Variants in HLCS observed in about 807,000 individuals in gnomAD.
HLCS encodes holocarboxylase synthetase.
HLCS carries 53 observed loss-of-function variants against 75.0 expected under a neutral mutation model. The observed-to-expected ratio is 0.71, with a 90% CI of 0.57 to 0.89. HLCS has a LOEUF of 0.89. HLCS is among the 40% of genes least tolerant of loss of function. The pLI is 0.00. For synonymous variants in HLCS, 431 were observed against 428.6 expected (o/e 1.01, Z -0.07); for missense variants, 966 against 1,074.0 (o/e 0.90, Z 1.41).
At chr21:36,878,953 C>T (rs4817823) in intron 6 of HLCS, among the ~76,000 whole-genome samples, 2 of 151,332 alleles carry the variant, frequency 1.3e-5, no homozygotes, top group South Asian at 4.2e-4. Flanking sequence ...ACTCTCTAAG[C>T]TATAGCTTCC....
intron 6 of HLCS, among the ~76,000 whole-genome samples, chr21:36,893,263 G>A (rs1049779280): frequency 7.9e-5 from 12 of 151,924 alleles, no homozygotes; most frequent in African/African-American, 2.9e-4. Flanking sequence ...GTAGAGACAG[G>A]GTTTCACTAT....
chr21:36,966,721 G>GCCC (rs2068615101), upstream of HLCS: 1 of 662,538 alleles, frequency 1.5e-6, no homozygotes, highest in Admixed American at 6.6e-5. Context: ...CGGAAGGGCC[G>GCCC]CGCCGCCCCC....
chr21:36,780,275 C>T (rs747750639), intron 6 of HLCS, among the ~76,000 whole-genome samples: 4 of 152,136 alleles, frequency 2.6e-5, no homozygotes, highest in African/African-American at 4.8e-5. Context: ...CGGAGTCTCA[C>T]TCTGTTGCCC....
intron 6 of HLCS, among the ~76,000 whole-genome samples, chr21:36,877,808 A>G (rs1006843939): frequency 6.6e-6 from 1 of 152,114 alleles, no homozygotes; most frequent in African/African-American, 2.4e-5. Context: ...TTACCTGGAC[A>G]TGTATTTTGC....
In HLCS at chr21:36,877,969, C is replaced by G. The variant is rs116755879; in HGVS notation, c.1892+18891G>C. Among the ~76,000 whole-genome samples the G allele has an allele frequency of 2.9e-3, 445 of 152,136 alleles. 2 individuals carry two copies. The highest frequency in any genetic ancestry group is 9.9e-3 in the African/African-American group (412 of 41,536). ...ACATTCAAATCATTGTTCCTCACTGCATGAAATGCTGTTTTCCTCAGATTA... is the reference window on the plus strand; with the variant it reads ...ACATTCAAATCATTGTTCCTCACTGGATGAAATGCTGTTTTCCTCAGATTA... On this transcript the variant is annotated intron_variant, in intron 6 of 10. Transcript: ENST00000674895.
Position 36,916,364 on chromosome 21 carries a change from T to C in HLCS, c.1620+13887A>G, listed in dbSNP as rs114608505. Reference sequence around the variant, plus strand: ...TTTTATGTTCTGTAATTTAAGACTTTTCTTTTAAGAGATAGGGTCTTGCTT... The same window carrying C: ...TTTTATGTTCTGTAATTTAAGACTTCTCTTTTAAGAGATAGGGTCTTGCTT... On this transcript the variant is annotated intron_variant, in intron 5 of 10. Transcript: ENST00000674895. 6.9e-3 allele frequency among the ~76,000 whole-genome samples: 1,053 copies of C among 152,196 alleles called. 14 individuals are homozygous for C. The highest frequency in any genetic ancestry group is 0.025 in the African/African-American group (1,026 of 41,512).
chr21:36,878,860 C>T (rs749587679), intron 6 of HLCS, among the ~76,000 whole-genome samples: 54 of 152,270 alleles, frequency 3.5e-4, no homozygotes, highest in Non-Finnish European at 6.5e-4. Flanking sequence ...TACAAACTAA[C>T]AATTAGGGCT....
At chr21:36,870,392 T>A (rs1249941832) in intron 6 of HLCS, among the ~76,000 whole-genome samples, 2 of 152,216 alleles carry the variant, frequency 1.3e-5, no homozygotes. Context: ...TAGCTATTAA[T>A]TCCTTATTTT....
At chr21:36,861,703 T>C (rs147196889) in intron 6 of HLCS, among the ~76,000 whole-genome samples, 124 of 152,326 alleles carry the variant, frequency 8.1e-4, no homozygotes, top group Non-Finnish European at 1.3e-3. Context: ...AGTACCTCCC[T>C]CTTACATCAC....
intron 6 of HLCS, among the ~76,000 whole-genome samples, chr21:36,895,512 C>T (rs60319560): frequency 0.13 from 19,662 of 152,002 alleles, 2,563 homozygotes; most frequent in African/African-American, 0.33. Context: ...CTAATGAACA[C>T]GGCTCACAGC....
At chr21:36,892,501 CA>C (rs2064833220) in intron 6 of HLCS, among the ~76,000 whole-genome samples, 2 of 152,200 alleles carry the variant, frequency 1.3e-5, no homozygotes, top group Admixed American at 1.3e-4. Context: ...TCAACAGGTA[CA>C]TCCGGCCCTA....
intron 6 of HLCS, among the ~76,000 whole-genome samples, chr21:36,859,170 G>A (rs949893560): frequency 6.6e-6 from 1 of 152,124 alleles, no homozygotes; most frequent in African/African-American, 2.4e-5. Context: ...TTACAGGCGT[G>A]TGCCACCAAG....
At chr21:36,851,383 T>C (rs150604362) in intron 6 of HLCS, among the ~76,000 whole-genome samples, 1 of 152,210 alleles carries the variant, frequency 6.6e-6, no homozygotes, top group African/African-American at 2.4e-5. Context: ...TGCAACAACA[T>C]GGACGGAACT....
chr21:36,864,611 T>G (rs978277004), intron 6 of HLCS, among the ~76,000 whole-genome samples: 1 of 152,212 alleles, frequency 6.6e-6, no homozygotes, highest in East Asian at 1.9e-4. Flanking sequence ...TTTCATATTA[T>G]GAATTGATTC....
intron 6 of HLCS, among the ~76,000 whole-genome samples, chr21:36,778,159 T>C (rs574639433): frequency 9.5e-4 from 145 of 151,980 alleles, no homozygotes; most frequent in South Asian, 2.1e-3. Flanking sequence ...TTAGTAGAGA[T>C]GGGGTTTCAC....
intron 6 of HLCS, among the ~76,000 whole-genome samples, chr21:36,828,575 A>T (rs1392664781): frequency 1.3e-5 from 2 of 152,322 alleles, no homozygotes; most frequent in Admixed American, 1.3e-4. Flanking sequence ...ACATAATACC[A>T]TATTTTCACT....
At position 36,751,280 on chromosome 21, in the gene HLCS, G is replaced by A. The variant is rs1601076639; in HGVS notation, c.*2966C>T. 2 of 152,676 alleles carry A rather than the reference G, an allele frequency of 1.3e-5. No homozygotes were observed. Among genetic ancestry groups the A allele is most frequent in the South Asian group, 4.1e-4 (2 of 4,828 alleles). 9.5% of individuals were successfully genotyped at this position (152,676 alleles called of 1,614,324 possible). Reference sequence around the variant, plus strand: ...TCTTTTCAGAGACATCCTTTGAGAAGTTAAAATTGCAGAGGCTTACGCTTT... The same window carrying A: ...TCTTTTCAGAGACATCCTTTGAGAAATTAAAATTGCAGAGGCTTACGCTTT... On this transcript the variant is annotated 3_prime_UTR_variant, in exon 11 of 11. Transcript: ENST00000674895.
intron 8 of HLCS, among the ~76,000 whole-genome samples, chr21:36,760,058 C>T (rs2089770244): frequency 6.6e-6 from 1 of 152,148 alleles, no homozygotes; most frequent in Admixed American, 6.5e-5. Context: ...GACATAAACC[C>T]CAGCATTCTT....
intron 6 of HLCS, among the ~76,000 whole-genome samples, chr21:36,891,308 C>T (rs2064775035): frequency 6.6e-6 from 1 of 152,220 alleles, no homozygotes; most frequent in African/African-American, 2.4e-5. Flanking sequence ...CTGGACTTCC[C>T]ATCTCAGCCT....
Sources: gnomAD v4.1 joint callset for allele counts (sites outside exome capture counted in the v4.1 genomes callset) on GRCh38, gnomAD v4.1.1 for gene constraint, MANE v1.5 for transcripts, NCBI Gene and HGNC (gene_info 2026-07-23, HGNC 2026-07-21) for gene names.